Variants in BMAL2 observed in about 807,000 individuals in gnomAD.
BMAL2 encodes basic helix-loop-helix ARNT like 2.
chr12:27,389,854 C>T, the BMAL2 span: 7 of 339,210 alleles, frequency 2.1e-5, no homozygotes, highest in South Asian at 1.2e-4. Context: ...TTTGTTCTTC[C>T]CCATTTGAGG....
At chr12:27,380,300 T>C in the BMAL2 span, 2 of 1,614,208 alleles carry the variant, frequency 1.2e-6, no homozygotes, top group East Asian at 4.5e-5. Flanking sequence ...AATAACCTGA[T>C]TGAAGAACTG....
At chr12:27,414,450 G>T in the BMAL2 span, among the ~76,000 whole-genome samples, 1 of 152,204 alleles carries the variant, frequency 6.6e-6, no homozygotes, top group African/African-American at 2.4e-5. Flanking sequence ...GTCCTATCAG[G>T]TGTCTTTTCT....
chr12:27,411,409 G>C, the BMAL2 span, among the ~76,000 whole-genome samples: 4,367 of 151,840 alleles, frequency 0.029, 98 homozygotes, highest in Non-Finnish European at 0.046. Context: ...TTGAGGCTAG[G>C]AGTTCAAGAC....
the BMAL2 span, among the ~76,000 whole-genome samples, chr12:27,410,322 A>G: frequency 6.6e-6 from 1 of 152,238 alleles, no homozygotes; most frequent in Admixed American, 6.5e-5. Flanking sequence ...ACTATTCACA[A>G]TAGCAGAGAC....
At chr12:27,371,135 A>G in the BMAL2 span, among the ~76,000 whole-genome samples, 1 of 152,236 alleles carries the variant, frequency 6.6e-6, no homozygotes, top group Non-Finnish European at 1.5e-5. Context: ...TTTAAATAAG[A>G]TTTAAATGCT....
At chr12:27,346,560 G>T in the BMAL2 span, among the ~76,000 whole-genome samples, 1 of 151,950 alleles carries the variant, frequency 6.6e-6, no homozygotes, top group Non-Finnish European at 1.5e-5. Context: ...ACCATGCCCG[G>T]CCTAAACCTT....
the BMAL2 span, among the ~76,000 whole-genome samples, chr12:27,348,809 G>T: frequency 2.0e-5 from 3 of 152,168 alleles, no homozygotes; most frequent in African/African-American, 7.2e-5. Flanking sequence ...CTAGGAATAA[G>T]AACACATGGT....
chr12:27,358,477 T>C, the BMAL2 span, among the ~76,000 whole-genome samples: 1 of 152,086 alleles, frequency 6.6e-6, no homozygotes, highest in Admixed American at 6.6e-5. Context: ...TATAGGAAAC[T>C]GGAGATTCCT....
the BMAL2 span, among the ~76,000 whole-genome samples, chr12:27,387,903 T>A: frequency 6.6e-6 from 1 of 152,218 alleles, no homozygotes; most frequent in Non-Finnish European, 1.5e-5. Context: ...CACTGTTTTT[T>A]AATAACTCAC....
At chr12:27,376,211 A>G in the BMAL2 span, 54 of 727,230 alleles carry the variant, frequency 7.4e-5, no homozygotes, top group African/African-American at 8.2e-4. Context: ...TTAGGTGCTC[A>G]AGGGAGCATT....
the BMAL2 span, chr12:27,403,662 A>G: frequency 5.9e-6 from 3 of 512,558 alleles, no homozygotes; most frequent in East Asian, 3.3e-5. Context: ...AATGGAAAAT[A>G]TTATCTTTAC....
the BMAL2 span, among the ~76,000 whole-genome samples, chr12:27,346,768 C>T: frequency 6.6e-6 from 1 of 152,126 alleles, no homozygotes; most frequent in African/African-American, 2.4e-5. Context: ...TGAGATGGTT[C>T]GGATGTTTGC....
the BMAL2 span, chr12:27,401,227 T>G: frequency 3.4e-5 from 52 of 1,550,640 alleles, no homozygotes; most frequent in Non-Finnish European, 4.3e-5. Flanking sequence ...ACTCACCACT[T>G]CTGAAGTTTA....
At chr12:27,393,686 C>T in the BMAL2 span, among the ~76,000 whole-genome samples, 1 of 152,274 alleles carries the variant, frequency 6.6e-6, no homozygotes, top group Non-Finnish European at 1.5e-5. Context: ...CGTTGTCTGA[C>T]AACAATAGAT....
chr12:27,369,051 C>T, the BMAL2 span, among the ~76,000 whole-genome samples: 2 of 152,146 alleles, frequency 1.3e-5, no homozygotes, highest in African/African-American at 4.8e-5. Flanking sequence ...GAGGTAGGTT[C>T]GTTTGAGCCC....
At chr12:27,376,718 C>T in the BMAL2 span, among the ~76,000 whole-genome samples, 250 of 152,222 alleles carry the variant, frequency 1.6e-3, 6 homozygotes, top group East Asian at 0.038. Flanking sequence ...AACCCATCCT[C>T]GGCCTGGCGC....
At chr12:27,406,033 C>T in the BMAL2 span, among the ~76,000 whole-genome samples, 5 of 151,966 alleles carry the variant, frequency 3.3e-5, no homozygotes, top group East Asian at 1.9e-4. Flanking sequence ...TGAGAAGAGA[C>T]GTTTAGAGAA....
At chr12:27,414,987 C>T in the BMAL2 span, among the ~76,000 whole-genome samples, 2 of 152,044 alleles carry the variant, frequency 1.3e-5, no homozygotes, top group Non-Finnish European at 2.9e-5. Flanking sequence ...AAACATACTG[C>T]ATCATCTCTC....
the BMAL2 span, chr12:27,421,366 T>G: frequency 2.0e-5 from 3 of 152,116 alleles, no homozygotes; most frequent in African/African-American, 4.8e-5. Context: ...GCCAATATGG[T>G]GAAACCCCGT....
Sources: gnomAD v4.1 joint callset for allele counts (sites outside exome capture counted in the v4.1 genomes callset) on GRCh38, gnomAD v4.1.1 for gene constraint, MANE v1.5 for transcripts, NCBI Gene and HGNC (gene_info 2026-07-23, HGNC 2026-07-21) for gene names.